The following RILPL2 variants were observed in gnomAD, a reference collection of about 807,000 sequenced individuals.
The protein encoded by RILPL2 is Rab interacting lysosomal protein like 2, also known as RILP-like protein 2.
Under a neutral mutation model 22.2 loss-of-function variants are expected in RILPL2, and 19 were observed. The observed-to-expected ratio is 0.86, with a 90% CI of 0.60 to 1.25. The LOEUF (loss-of-function observed/expected upper bound fraction) is 1.25, where lower values mean the gene tolerates loss of function less well. RILPL2 is among the 50% of genes most tolerant of loss of function. The pLI is 0.00. For synonymous variants in RILPL2, 123 were observed against 111.6 expected (o/e 1.10, Z -0.64); for missense variants, 243 against 263.6 (o/e 0.92, Z 0.54).
chr12:123,429,057 A>T (rs1183201670), intron 2 of RILPL2, among the ~76,000 whole-genome samples: 1 of 152,176 alleles, frequency 6.6e-6, no homozygotes, highest in Admixed American at 6.6e-5. Flanking sequence ...ACGAGTCTCA[A>T]CGTGATTATG....
rs56046247 is a variant in RILPL2, at chr12:123,424,331, A to ATTTTTT, written c.492-1180_492-1175dup. ...TAAGTCAGATGTTGATAAGAGTTAG[A>ATTTTTT]TTTTTTTTTTTTTTTTTTGAGACAG... On this transcript the variant is annotated intron_variant, in intron 2 of 3. Coordinates refer to ENST00000280571, the MANE Select transcript of RILPL2 (RefSeq NM_145058.3). 5.2e-3 allele frequency among the ~76,000 whole-genome samples: 706 copies of ATTTTTT among 135,132 alleles called. 20 individuals are homozygous for ATTTTTT. Among genetic ancestry groups the ATTTTTT allele is most frequent in the East Asian group, 7.1e-3 (31 of 4,362 alleles). 88.7% of individuals were successfully genotyped at this position (135,132 alleles called of 152,430 possible). A position where few individuals can be genotyped will look rare whatever the true frequency, so the allele number is the denominator to read the frequency against.
Position 123,415,650 on chromosome 12 carries a change from T to C in RILPL2, c.*241A>G. The C allele has an allele frequency of 1.6e-6, 1 of 615,864 alleles. No homozygotes were observed. The highest frequency in any genetic ancestry group is 2.9e-6 in the Non-Finnish European group (1 of 343,524). The allele number at this position is 615,864 out of a possible 1,614,324, so 38.1% of individuals were successfully genotyped here. ...TGGACCCCCCCACCCTGCACATCCC[T>C]TCTGTTTTTCTTGATTTCAGTCTCA... On this transcript the variant is annotated 3_prime_UTR_variant, in exon 4 of 4. Transcript: ENST00000280571.
In RILPL2 at chr12:123,419,164, C is replaced by T. The variant is rs1242720336; in HGVS notation, c.606-3243G>A. On this transcript the variant is annotated intron_variant, in intron 3 of 3. Coordinates refer to ENST00000280571, the MANE Select transcript of RILPL2 (RefSeq NM_145058.3). ...TAGCTGGGAATACAGGCGCCCACTA[C>T]CATGCCCGGCTAATTTTTTGTATTT... is the stretch of plus-strand genomic sequence containing the variant. Among the ~76,000 whole-genome samples the T allele has an allele frequency of 2.6e-5, 4 of 151,244 alleles. No individual in the cohort carries two copies. The East Asian group carries it at 7.8e-4, about 30-fold the overall frequency.
chr12:123,425,872 G>A (rs1016072846), intron 2 of RILPL2, among the ~76,000 whole-genome samples: 2 of 151,718 alleles, frequency 1.3e-5, no homozygotes, highest in African/African-American at 2.4e-5. Context: ...GACTGGTCTC[G>A]AACTCCTGAC....
rs571961315 is a variant in RILPL2, at chr12:123,432,019, C to G, written c.340-1360G>C. On this transcript the variant is annotated intron_variant, in intron 1 of 3. Coordinates refer to ENST00000280571, the MANE Select transcript of RILPL2 (RefSeq NM_145058.3). ...AAGCAATTCTTCTGCCTCAGCCTCC[C>G]TAGTAGCTGGGATTACAGGCGCCTG... 8.3e-4 allele frequency among the ~76,000 whole-genome samples: 126 copies of G among 151,732 alleles called. 1 individual carries two copies. The highest frequency in any genetic ancestry group is 3.4e-3 in the Middle Eastern group (1 of 294).
chr12:123,416,624 A>AT (rs1879127092), intron 3 of RILPL2, among the ~76,000 whole-genome samples: 1 of 152,218 alleles, frequency 6.6e-6, no homozygotes, highest in Admixed American at 6.5e-5. Context: ...TGGGTGACAG[A>AT]TTGAGACTCC....
chr12:123,436,250 G>A lies in RILPL2; in HGVS notation c.171C>T (p.Ser57=), dbSNP rs1280132042. ...ACTGCAGCTGCGTCACCCGGGGGTC[G>A]CTGCCCAGGGCCATAAGCTCGCGGC... ...LLGRELMALG[S]DPRVTQLQFK... is the part of the protein sequence containing the mutation. Residue 57 remains serine (S), a synonymous_variant, in exon 1 of 4, where the codon AGC becomes AGT. Transcript: ENST00000280571. The surrounding 1 kb of genome is among the most constrained non-coding windows in gnomAD (Gnocchi z 6.7). 6.2e-7 allele frequency: 1 copy of A among 1,611,292 alleles called. No homozygotes were observed. The highest frequency in any genetic ancestry group is 1.1e-5 in the South Asian group (1 of 90,454).
intron 2 of RILPL2, among the ~76,000 whole-genome samples, chr12:123,426,550 T>C (rs563087390): frequency 4.6e-5 from 7 of 152,222 alleles, no homozygotes; most frequent in African/African-American, 1.7e-4. Context: ...AAATTAAACT[T>C]GGTGACTAAA....
chr12:123,416,159 TAA>T (rs11389907), intron 3 of RILPL2, among the ~76,000 whole-genome samples: 7 of 142,534 alleles, frequency 4.9e-5, no homozygotes, highest in Admixed American at 7.0e-5. Context: ...ACCCCATCTC[TAA>T]AAAAAAAAAA....
chr12:123,424,249 T>C (rs772284557), intron 2 of RILPL2, among the ~76,000 whole-genome samples: 13 of 152,122 alleles, frequency 8.5e-5, no homozygotes, highest in Non-Finnish European at 1.9e-4. Context: ...TAATTTATAT[T>C]CCAGTAGGAG....
At chr12:123,410,599 G>A (rs777649091), downstream of RILPL2, 4 of 152,116 alleles carry the variant, frequency 2.6e-5, no homozygotes, top group Non-Finnish European at 5.9e-5. Flanking sequence ...CCAATCCACT[G>A]CTGTGTAACT....
intron 3 of RILPL2, among the ~76,000 whole-genome samples, chr12:123,420,022 CTT>C (rs35616705): frequency 1.7e-5 from 1 of 57,488 alleles, no homozygotes. Flanking sequence ...GACGGGGTTT[CTT>C]TTTTTTTTTT....
intron 3 of RILPL2, among the ~76,000 whole-genome samples, chr12:123,420,110 C>T (rs1482054002): frequency 1.5e-4 from 22 of 149,236 alleles, no homozygotes; most frequent in Admixed American, 6.7e-4. Flanking sequence ...CTGCAACATC[C>T]GCCTCCTGGG....
At chr12:123,430,917 T>TCA (rs1324242302) in intron 1 of RILPL2, among the ~76,000 whole-genome samples, 24 of 152,126 alleles carry the variant, frequency 1.6e-4, no homozygotes, top group African/African-American at 5.3e-4. Flanking sequence ...CAAGCTGGTC[T>TCA]CAAACTCCTG....
At position 123,436,147 on chromosome 12, in the gene RILPL2, C is replaced by G; in HGVS notation, c.274G>C (p.Glu92Gln). Residue 92 changes from glutamate (E) to glutamine (Q), a missense_variant, in exon 1 of 4, where the codon GAG (glutamate) becomes CAG (glutamine). Coordinates refer to ENST00000280571, the MANE Select transcript of RILPL2 (RefSeq NM_145058.3). The surrounding 1 kb of genome is among the most constrained non-coding windows in gnomAD (Gnocchi z 6.7). Reference protein sequence around the residue: ...GSLALEELKMERDHLRKEVEG... With the variant: ...GSLALEELKMQRDHLRKEVEG... ...ACCTCCTTCCTGAGGTGGTCCCTCT[C>G]CATCTTCAGCTCCTCCAGCGCCAGG... is the stretch of plus-strand genomic sequence containing the variant. The G allele has an allele frequency of 6.2e-7, 1 of 1,603,348 alleles. No individual in the cohort carries two copies. Among genetic ancestry groups the G allele is most frequent in the Non-Finnish European group, 8.5e-7 (1 of 1,175,506 alleles).
chr12:123,415,445 G>A lies in RILPL2; in HGVS notation c.*446C>T. 5.7e-6 allele frequency: 1 copy of A among 174,994 alleles called. No homozygotes were observed. The highest frequency in any genetic ancestry group is 1.2e-5 in the Non-Finnish European group (1 of 81,682). 10.8% of individuals were successfully genotyped at this position (174,994 alleles called of 1,614,324 possible). On this transcript the variant is annotated 3_prime_UTR_variant, in exon 4 of 4. Transcript: ENST00000280571. Reference sequence around the variant, plus strand: ...AAATCACATAAAGAAAGGCATGTTGGCTAAATCAAATATTCACTAAATATC... The same window carrying A: ...AAATCACATAAAGAAAGGCATGTTGACTAAATCAAATATTCACTAAATATC...
At chr12:123,410,266 CTG>C (rs917552652), downstream of RILPL2, among the ~76,000 whole-genome samples, 5 of 152,210 alleles carry the variant, frequency 3.3e-5, no homozygotes, top group African/African-American at 1.2e-4. Context: ...TCAGGAGGCT[CTG>C]AATCATCACT....
At chr12:123,424,144 C>T (rs1200501544) in intron 2 of RILPL2, among the ~76,000 whole-genome samples, 3 of 152,218 alleles carry the variant, frequency 2.0e-5, no homozygotes, top group Admixed American at 6.6e-5. Context: ...TAACATTCAA[C>T]AAATATTTAT....
At chr12:123,430,206 G>C (rs527450174) in intron 2 of RILPL2, among the ~76,000 whole-genome samples, 3 of 148,114 alleles carry the variant, frequency 2.0e-5, no homozygotes, top group Non-Finnish European at 4.4e-5. Flanking sequence ...TCAGGAGATC[G>C]AGACCATTCT....
Sources: allele counts gnomAD v4.1 joint callset (sites outside exome capture counted in the v4.1 genomes callset), GRCh38; gene constraint gnomAD v4.1.1; non-coding constraint Gnocchi (gnomAD v3.1); transcripts MANE v1.5; gene names NCBI Gene and HGNC (gene_info 2026-07-23, HGNC 2026-07-21).